Variants in ASB16 observed in about 807,000 individuals in gnomAD.
ASB16 encodes the protein ankyrin repeat and SOCS box containing 16.
In ASB16, 44 loss-of-function variants were observed where a neutral mutation model predicts 39.1. The observed-to-expected ratio is 1.13, with a 90% CI of 0.88 to 1.45. The LOEUF is 1.45. Ranked by LOEUF, ASB16 falls within the 40% of genes most tolerant of loss-of-function variation. The probability of loss-of-function intolerance (pLI) is 0.00; values close to 1 mark genes in which losing one functional copy is unlikely to be tolerated. For missense variants in ASB16, 698 were observed against 634.5 expected (o/e 1.10, Z -1.07); for synonymous variants, 305 against 286.7 (o/e 1.06, Z -0.64).
At position 44,176,764 on chromosome 17, in the gene ASB16, G is replaced by A. The variant is rs758357718; in HGVS notation, c.596G>A (p.Gly199Glu). The A allele has an allele frequency of 6.2e-7, 1 of 1,613,790 alleles. No homozygotes were observed. The highest frequency in any genetic ancestry group is 1.7e-5 in the Admixed American group (1 of 60,032). ...TGCGCCAAGTTGCTGCTGGAAGCAG[G>A]AGCGACGGTGAACCTGGCAGCAGGC... ...LQCAKLLLEA[G>E]ATVNLAAGES... The change falls in exon 3 of 5, where the codon GGA becomes GAA. Residue 199 changes from glycine (G) to glutamate (E), a missense_variant. Coordinates refer to ENST00000293414, the MANE Select transcript of ASB16 (RefSeq NM_080863.5).
Position 44,170,848 on chromosome 17 carries a change from A to G in ASB16, c.59A>G (p.Gln20Arg). The change falls in exon 1 of 5, where the codon CAG becomes CGG. Residue 20 changes from glutamine (Q) to arginine (R), a missense_variant. By Grantham distance (43) the Gln-to-Arg change is conservative. Coordinates refer to ENST00000293414, the MANE Select transcript of ASB16 (RefSeq NM_080863.5). ...ATGCTGCGCTCTCTCCGCCTGCAGCAGGAGTGGCTGGAATGGGAGGACCGG... is the reference window on the plus strand; with the variant it reads ...ATGCTGCGCTCTCTCCGCCTGCAGCGGGAGTGGCTGGAATGGGAGGACCGG... ...SSMLRSLRLQ[Q>R]EWLEWEDRRR... 6.2e-7 allele frequency: 1 copy of G among 1,611,876 alleles called. No homozygotes were observed. The highest frequency in any genetic ancestry group is 2.2e-5 in the East Asian group (1 of 44,856).
At position 44,178,565 on chromosome 17, in the gene ASB16, T is replaced by C; in HGVS notation, c.*175T>C. ...TCGGCTCACTGCAACTTCTACCACCTAGGTTCAAGCGATTCTTGTGCCCCA... is the reference window on the plus strand; with the variant it reads ...TCGGCTCACTGCAACTTCTACCACCCAGGTTCAAGCGATTCTTGTGCCCCA... On this transcript the variant is annotated 3_prime_UTR_variant, in exon 5 of 5. Coordinates refer to ENST00000293414, the MANE Select transcript of ASB16 (RefSeq NM_080863.5). 1.5e-6 allele frequency: 1 copy of C among 684,532 alleles called. No individual in the cohort carries two copies. Among genetic ancestry groups the C allele is most frequent in the Non-Finnish European group, 2.4e-6 (1 of 418,550 alleles). 42.4% of individuals were successfully genotyped at this position (684,532 alleles called of 1,614,324 possible). A position where few individuals can be genotyped will look rare whatever the true frequency, so the allele number is the denominator to read the frequency against.
chr17:44,174,726 C>T (rs2054272058), intron 2 of ASB16, among the ~76,000 whole-genome samples: 1 of 152,122 alleles, frequency 6.6e-6, no homozygotes, highest in East Asian at 1.9e-4. Context: ...GGTGTGCCTT[C>T]CAACAGACTT....
At chr17:44,171,487 C>T (rs374929093) in intron 1 of ASB16, among the ~76,000 whole-genome samples, 8 of 148,118 alleles carry the variant, frequency 5.4e-5, no homozygotes, top group Middle Eastern at 3.4e-3. Context: ...CACTTAAACC[C>T]GGGAGGCGGA....
At position 44,177,710 on chromosome 17, in the gene ASB16, A is replaced by C; in HGVS notation, c.1164A>C (p.Pro388=). 1 of 1,613,714 alleles carries C rather than the reference A, an allele frequency of 6.2e-7. No individual in the cohort carries two copies. The highest frequency in any genetic ancestry group is 8.5e-7 in the Non-Finnish European group (1 of 1,179,736). Residue 388 remains proline, a synonymous_variant, in exon 4 of 5, where the codon CCA becomes CCC. Transcript: ENST00000293414. The part of the protein sequence containing the change: ...SCETWVEAVL[P]ELWKEHEAFY... ...AGACCTGGGTGGAGGCGGTGCTCCCAGAGCTGTGGAAGGTATGTTTGCCTC... is the reference window on the plus strand; with the variant it reads ...AGACCTGGGTGGAGGCGGTGCTCCCCGAGCTGTGGAAGGTATGTTTGCCTC...
Position 44,178,205 on chromosome 17 carries a change from G to T in ASB16, c.1177G>T (p.Glu393Ter). ...TGACCTTCTTTCACTCCTGGCCTAG[G>T]AGCACGAAGCCTTCTACAGCTCGGC... ...VEAVLPELWK[E>*]HEAFYSSALC... The change falls in exon 5 of 5, where the codon GAG becomes TAG. Residue 393 changes from glutamate (E) to a stop codon, truncating the protein, a stop_gained and splice_region_variant. Transcript: ENST00000293414. LOFTEE classifies it low-confidence loss of function (END_TRUNC). 6.2e-7 allele frequency: 1 copy of T among 1,612,814 alleles called. No individual in the cohort carries two copies.
At chr17:44,172,370 T>C (rs1192680941) in intron 2 of ASB16, 57 bp downstream of exon 2, 23 of 1,569,502 alleles carry the variant, frequency 1.5e-5, no homozygotes, top group Non-Finnish European at 1.6e-5. Context: ...TGTCTCCAGC[T>C]CACAAGGCCA....
intron 2 of ASB16, among the ~76,000 whole-genome samples, chr17:44,173,911 C>T (rs2054264099): frequency 6.6e-6 from 1 of 152,038 alleles, no homozygotes; most frequent in Admixed American, 6.6e-5. Context: ...CACTCTGTTG[C>T]CCAGGCTGGA....
rs747525872 is a variant in ASB16 at position 44,177,626 on chromosome 17, C to T, written c.1080C>T (p.Ala360=). The change falls in exon 4 of 5, where the codon GCC becomes GCT. Residue 360 remains alanine, a synonymous_variant. Coordinates refer to ENST00000293414, the MANE Select transcript of ASB16 (RefSeq NM_080863.5). ...ACCCCTAGATGCTGAAACACTGCGC[C>T]AACTTCCCTCGGGCCCTGGAAGTCC... ...PVRPEMLKHC[A]NFPRALEVLL... The T allele has an allele frequency of 1.2e-6, 2 of 1,613,730 alleles. No homozygotes were observed. The highest frequency in any genetic ancestry group is 4.5e-5 in the East Asian group (2 of 44,880).
chr17:44,171,967 G>C, intron 1 of ASB16, 79 bp from the exon 2 acceptor site: 30 of 1,467,848 alleles, frequency 2.0e-5, no homozygotes, highest in Non-Finnish European at 2.7e-5. Context: ...AGTGTCAGCT[G>C]TCAGCTGGAA....
At chr17:44,174,965 G>T (rs951149189) in intron 2 of ASB16, among the ~76,000 whole-genome samples, 3 of 151,672 alleles carry the variant, frequency 2.0e-5, no homozygotes, top group African/African-American at 7.3e-5. Flanking sequence ...AGCCAGGCAT[G>T]GCAGCGCATG....
chr17:44,178,022 C>T (rs562587034), intron 4 of ASB16, among the ~76,000 whole-genome samples, 183 bp from the exon 5 acceptor site: 1 of 151,818 alleles, frequency 6.6e-6, no homozygotes, highest in East Asian at 1.9e-4. Context: ...GGAGACCCTT[C>T]CCTGAAGTGG....
At chr17:44,177,925 T>G in intron 4 of ASB16, 1 of 715,826 alleles carries the variant, frequency 1.4e-6, no homozygotes, top group East Asian at 2.7e-5. Flanking sequence ...CTCCCTCACT[T>G]GCATCAGCAC....
chr17:44,171,167 C>T, intron 1 of ASB16, 77 bp downstream of exon 1: 2 of 1,441,622 alleles, frequency 1.4e-6, no homozygotes, highest in Non-Finnish European at 1.9e-6. Flanking sequence ...AGTCTAGGCC[C>T]CTCCTTCCCT....
At position 44,170,737 on chromosome 17, in the gene ASB16, G is replaced by A. The variant is rs1200532039; in HGVS notation, c.-53G>A. On this transcript the variant is annotated 5_prime_UTR_variant, in exon 1 of 5. Transcript: ENST00000293414. ...TCAGAGCAAGGGAGGTAGTCGGGTC[G>A]AGGGAACCTGGCTCTGCCCAGGTGC... is the stretch of plus-strand genomic sequence containing the variant. The A allele has an allele frequency of 8.5e-6, 13 of 1,523,198 alleles. No homozygotes were observed. The highest frequency in any genetic ancestry group is 2.5e-4 in the Middle Eastern group (1 of 4,060). 94.4% of individuals were successfully genotyped at this position (1,523,198 alleles called of 1,614,324 possible).
At position 44,172,209 on chromosome 17, in the gene ASB16, G is replaced by A. The variant is rs2054249024; in HGVS notation, c.465G>A (p.Gln155=). The A allele has an allele frequency of 2.0e-5, 33 of 1,613,672 alleles. No individual in the cohort carries two copies. In the East Asian group the frequency reaches 7.4e-4, roughly 36 times the overall value. The change falls in exon 2 of 5, where the codon CAG becomes CAA. Residue 155 remains glutamine (Q), a synonymous_variant. Coordinates refer to ENST00000293414, the MANE Select transcript of ASB16 (RefSeq NM_080863.5). ...TGCATGAGGCCTGTGCCCGAGCCCA[G>A]TTTGACTGTGTGCGGCTGCTGCTGA... ...AALHEACARA[Q]FDCVRLLLTF... is the part of the protein sequence containing the mutation.
At chr17:44,172,362 T>TGG in intron 2 of ASB16, 49 bp downstream of exon 2, 1 of 1,581,316 alleles carries the variant, frequency 6.3e-7, no homozygotes, top group Non-Finnish European at 8.6e-7. Flanking sequence ...TGTGTGTGTG[T>TGG]CTCCAGCTCA....
chr17:44,177,155 G>A lies in ASB16; in HGVS notation c.987G>A (p.Gln329=), dbSNP rs765100270. ...TPMDCALQAV[Q]DSPNWEPEVL... ...TGGACTGTGCGCTGCAGGCCGTCCA[G>A]GACTCCCCCAACTGGGAGCCTGAAG... is the stretch of plus-strand genomic sequence containing the variant. Residue 329 remains glutamine, a synonymous_variant, in exon 3 of 5, where the codon CAG becomes CAA. Coordinates refer to ENST00000293414, the MANE Select transcript of ASB16 (RefSeq NM_080863.5). The A allele has an allele frequency of 2.0e-6, 3 of 1,523,868 alleles. No homozygotes were observed. Among genetic ancestry groups the A allele is most frequent in the Non-Finnish European group, 2.6e-6 (3 of 1,138,044 alleles). 94.4% of individuals were successfully genotyped at this position (1,523,868 alleles called of 1,614,324 possible). A position where few individuals can be genotyped will look rare whatever the true frequency, so the allele number is the denominator to read the frequency against.
intron 2 of ASB16, among the ~76,000 whole-genome samples, chr17:44,175,024 CCCAG>C (rs1213521962): frequency 6.6e-6 from 1 of 151,068 alleles, no homozygotes; most frequent in Non-Finnish European, 1.5e-5. Context: ...ATTGCTTCAA[CCCAG>C]GAGGCAGAGA....
Sources: allele counts gnomAD v4.1 joint callset (sites outside exome capture counted in the v4.1 genomes callset), GRCh38; gene constraint gnomAD v4.1.1; transcripts MANE v1.5; gene names NCBI Gene and HGNC (gene_info 2026-07-23, HGNC 2026-07-21).